Variants in RIF1 observed in about 807,000 individuals in gnomAD.
The protein encoded by RIF1 is replication timing regulatory factor 1.
In RIF1, 45 loss-of-function variants were observed where a neutral mutation model predicts 247.1. That is an observed-to-expected ratio of 0.18 (90% CI 0.14 to 0.23). RIF1 has a LOEUF of 0.23. Ranked by LOEUF, RIF1 falls within the 10% of genes least tolerant of loss-of-function variation. The pLI, the probability that RIF1 is intolerant of heterozygous loss-of-function variation, is 1.00. For synonymous variants in RIF1, 1,087 were observed against 978.8 expected, an observed-to-expected ratio of 1.11 and a Z score of -2.06; for missense variants, 2,967 against 2,862.5, an observed-to-expected ratio of 1.04 and a Z score of -0.83.
Position 151,464,588 on chromosome 2 carries a change from G to A in RIF1, c.5068G>A (p.Asp1690Asn). 6.2e-7 allele frequency: 1 copy of A among 1,613,542 alleles called. No individual in the cohort carries two copies. Among genetic ancestry groups the A allele is most frequent in the Non-Finnish European group, 8.5e-7 (1 of 1,179,668 alleles). ...GAGATTACATAAGCGAGACTCTTTT[G>A]ATAATTGTAGTTTGGGAGAATCCTC... is the stretch of plus-strand genomic sequence containing the variant. Reference protein sequence around the residue: ...IKRLHKRDSFDNCSLGESSKI... With the variant: ...IKRLHKRDSFNNCSLGESSKI... The change falls in exon 30 of 36, where the codon GAT (aspartate) becomes AAT (asparagine). Residue 1690 changes from aspartate (D) to asparagine (N), a missense_variant. By Grantham distance (23) the Asp-to-Asn change is conservative (BLOSUM62 1). Transcript: ENST00000444746.
intron 20 of RIF1, among the ~76,000 whole-genome samples, chr2:151,449,222 C>T (rs1693840660): frequency 1.3e-5 from 2 of 152,082 alleles, no homozygotes; most frequent in South Asian, 4.1e-4. Context: ...TTTTGGGATA[C>T]ACTTCTTGGT....
intron 6 of RIF1, among the ~76,000 whole-genome samples, 165 bp downstream of exon 6, chr2:151,417,066 A>G (rs986625518): frequency 3.9e-5 from 6 of 152,180 alleles, no homozygotes; most frequent in Admixed American, 2.6e-4. Flanking sequence ...GGAAGTAGAT[A>G]TGTGTGGGTT....
At chr2:151,433,054 C>G (rs775303153) in intron 9 of RIF1, 23 bp from the exon 10 acceptor site, 7 of 1,593,308 alleles carry the variant, frequency 4.4e-6, no homozygotes, top group South Asian at 2.2e-5. Flanking sequence ...GTCTCTTTAA[C>G]TGTGTGCTTA....
Position 151,441,894 on chromosome 2 carries a change from A to C in RIF1, c.1648-11A>C, listed in dbSNP as rs373618972. On this transcript the variant is annotated splice_polypyrimidine_tract_variant and intron_variant, in intron 15 of 35. Coordinates refer to ENST00000444746, the MANE Select transcript of RIF1 (RefSeq NM_018151.5). ...CGGCTAATTTACTGTAAAACCTTTT[A>C]TCTCTCATAGGTCCTCATGGAAATT... is the stretch of plus-strand genomic sequence containing the variant. 3.9e-5 allele frequency: 50 copies of C among 1,271,646 alleles called. No individual in the cohort carries two copies. Among genetic ancestry groups the C allele is most frequent in the Non-Finnish European group, 5.1e-5 (45 of 889,466 alleles). The allele number at this position is 1,271,646 out of a possible 1,614,324, so 78.8% of individuals were successfully genotyped here.
Position 151,461,219 on chromosome 2 carries a change from C to A in RIF1, c.3157C>A (p.Pro1053Thr). ...AAAGTCTACTGACTTTGTGTTTATA[C>A]CTCCAGAAGGAAAAGATGCAAAGGA... Reference protein sequence around the residue: ...EEKSTDFVFIPPEGKDAKERI... With the variant: ...EEKSTDFVFITPEGKDAKERI... Residue 1053 changes from proline to threonine, a missense_variant, in exon 27 of 36, where the codon CCT (proline) becomes ACT (threonine). Physicochemically the swap from Pro to Thr is conservative, Grantham distance 38 (BLOSUM62 -1). Coordinates refer to ENST00000444746, the MANE Select transcript of RIF1 (RefSeq NM_018151.5). 1 of 1,613,034 alleles carries A rather than the reference C, an allele frequency of 6.2e-7. No individual in the cohort carries two copies. Among genetic ancestry groups the A allele is most frequent in the Non-Finnish European group, 8.5e-7 (1 of 1,179,322 alleles).
In RIF1 at chr2:151,490,038, C is replaced by T. The variant is rs751128054; in HGVS notation, c.*416-5191C>T. The T allele has an allele frequency of 8.7e-6, 14 of 1,613,084 alleles. No individual in the cohort carries two copies. Among genetic ancestry groups the T allele is most frequent in the East Asian group, 2.2e-5 (1 of 44,840 alleles). ...CTGTTGGGTAGCAACTGAAGATGAT[C>T]GTTGTTGTGGGAGCTCTGTGGTTTT... On this transcript the variant is annotated intron_variant and NMD_transcript_variant, in intron 9 of 13. Transcript: ENST00000454583.
At chr2:151,449,842 GC>G (rs757209003) in intron 20 of RIF1, among the ~76,000 whole-genome samples, 4,385 of 119,718 alleles carry the variant, frequency 0.037, 110 homozygotes, top group East Asian at 0.17. Flanking sequence ...CTACTTTGAT[GC>G]CTTTTTTTTT....
In RIF1 at chr2:151,463,103, T is replaced by C; in HGVS notation, c.3583T>C (p.Phe1195Leu). The change falls in exon 30 of 36, where the codon TTC (phenylalanine) becomes CTC (leucine). Residue 1195 changes from phenylalanine to leucine, a missense_variant. By Grantham distance (22) the Phe-to-Leu change is conservative. This residue lies in a region of RIF1 where 2,028 missense variants were observed against 1,825.6 expected (regional missense o/e 1.11). Coordinates refer to ENST00000444746, the MANE Select transcript of RIF1 (RefSeq NM_018151.5). ...TECASSTENS[F>L]VVSSSSVSNT... ...ATGTGCATCTAGTACAGAAAATTCTTTCGTTGTCAGCAGTAGTTCAGTTTC... is the reference window on the plus strand; with the variant it reads ...ATGTGCATCTAGTACAGAAAATTCTCTCGTTGTCAGCAGTAGTTCAGTTTC... The C allele has an allele frequency of 6.2e-7, 1 of 1,614,038 alleles. No homozygotes were observed. Among genetic ancestry groups the C allele is most frequent in the South Asian group, 1.1e-5 (1 of 91,064 alleles).
chr2:151,493,522 T>C lies in RIF1; in HGVS notation c.*416-1707T>C, dbSNP rs2058135139. The stretch of plus-strand genomic sequence containing the variant: ...GAAAATCATCACTTAGCTGGTGTTA[T>C]GGCTCATGTTATGGCTCAGTTATAT... On this transcript the variant is annotated intron_variant and NMD_transcript_variant, in intron 9 of 13. Transcript: ENST00000454583. The C allele has an allele frequency of 3.2e-5, 30 of 942,758 alleles. 1 individual carries two copies. In the South Asian group the frequency reaches 4.2e-4, roughly 13 times the overall value. 58.4% of individuals were successfully genotyped at this position (942,758 alleles called of 1,614,324 possible). A position where few individuals can be genotyped will look rare whatever the true frequency, so the allele number is the denominator to read the frequency against.
chr2:151,448,167 C>T (rs1693646873), intron 20 of RIF1, among the ~76,000 whole-genome samples: 1 of 151,850 alleles, frequency 6.6e-6, no homozygotes, highest in Non-Finnish European at 1.5e-5. Flanking sequence ...GATTCTCCTC[C>T]CTAGTAGCTG....
Position 151,463,309 on chromosome 2 carries a change from AAAAGC to A in RIF1, c.3799_3803del (p.Gln1267ArgfsTer8), listed in dbSNP as rs1696467430. On this transcript the variant is annotated frameshift_variant, in exon 30 of 36. Transcript: ENST00000444746. LOFTEE classifies it high-confidence loss of function. ...CCATGATTAAAACAGATTTTCTACC[AAAAGC>A]AAAGCAAAGAGAAGGGACTTTTTCA... The A allele has an allele frequency of 1.2e-6, 2 of 1,613,062 alleles. No individual in the cohort carries two copies. The highest frequency in any genetic ancestry group is 1.3e-5 in the African/African-American group (1 of 74,812).
intron 10 of RIF1, among the ~76,000 whole-genome samples, chr2:151,433,900 G>C (rs1056311578): frequency 6.6e-6 from 1 of 152,004 alleles, no homozygotes; most frequent in Non-Finnish European, 1.5e-5. Flanking sequence ...AGCCGGGCGC[G>C]GTGACTCATG....
Position 151,420,396 on chromosome 2 carries a change from G to T in RIF1, c.693+17G>T. 6 of 1,611,750 alleles carry T rather than the reference G, an allele frequency of 3.7e-6. No homozygotes were observed. The highest frequency in any genetic ancestry group is 5.1e-6 in the Non-Finnish European group (6 of 1,178,170). On this transcript the variant is annotated intron_variant, in intron 7 of 35. Transcript: ENST00000444746. ...ATGACTACTGTGAGTGTTCTTTTAT[G>T]TAAGAATTTTCTGGATACTGCATCG...
intron 11 of RIF1, chr2:151,501,343 G>GA: frequency 2.4e-6 from 3 of 1,264,064 alleles, no homozygotes; most frequent in Middle Eastern, 1.9e-4. Flanking sequence ...CTGTTTTGTA[G>GA]AAATTATTAT....
downstream of RIF1, chr2:151,486,215 AAGAT>A (rs1192026873): frequency 5.1e-5 from 16 of 314,478 alleles, no homozygotes; most frequent in Non-Finnish European, 5.3e-5. Context: ...TTCTCCAAAA[AAGAT>A]AGACAAATAG....
At chr2:151,510,219 C>G (rs1044429853), downstream of RIF1, among the ~76,000 whole-genome samples, 1 of 152,120 alleles carries the variant, frequency 6.6e-6, no homozygotes, top group African/African-American at 2.4e-5. Context: ...CCCCAATAAA[C>G]TTGTTTGTGG....
intron 8 of RIF1, among the ~76,000 whole-genome samples, chr2:151,424,688 C>G (rs1316606437): frequency 6.6e-6 from 1 of 151,666 alleles, no homozygotes; most frequent in Non-Finnish European, 1.5e-5. Flanking sequence ...TTTTTTGAGA[C>G]AAGGTCTGGC....
Position 151,469,863 on chromosome 2 carries a change from A to G in RIF1, c.7094A>G (p.Gln2365Arg). 6.3e-7 allele frequency: 1 copy of G among 1,594,250 alleles called. No individual in the cohort carries two copies. The highest frequency in any genetic ancestry group is 8.5e-7 in the Non-Finnish European group (1 of 1,172,456). Residue 2365 changes from glutamine (Q) to arginine (R), a missense_variant and splice_region_variant, in exon 34 of 36, where the codon CAG (glutamine) becomes CGG (arginine). By Grantham distance (43) the Gln-to-Arg change is conservative. Around this residue, in one of 7 missense-constraint regions of RIF1, gnomAD observed 151 missense variants for 163.4 expected, o/e 0.92. Transcript: ENST00000444746. ...KKALRIYHEQ[Q>R]VKTRGLEEIP... ...GCTCTCAGAATATATCATGAGCAGC[A>G]GGTAAAAACTTAGATATTAGCTATG...
Position 151,463,067 on chromosome 2 carries a change from A to G in RIF1, c.3547A>G (p.Thr1183Ala), listed in dbSNP as rs750219227. The G allele has an allele frequency of 1.2e-6, 2 of 1,613,812 alleles. No individual in the cohort carries two copies. The highest frequency in any genetic ancestry group is 2.7e-5 in the African/African-American group (2 of 74,916). ...RKKALISSRK[T>A]STECASSTEN... Reference sequence around the variant, plus strand: ...AAAAGCTTTAATTTCATCAAGGAAAACATCAACTGAATGTGCATCTAGTAC... The same window carrying G: ...AAAAGCTTTAATTTCATCAAGGAAAGCATCAACTGAATGTGCATCTAGTAC... Residue 1183 changes from threonine to alanine, a missense_variant, in exon 30 of 36, where the codon ACA (threonine) becomes GCA (alanine). Thr to Ala is a moderately conservative substitution (Grantham distance 58, BLOSUM62 0). Around this residue, in one of 7 missense-constraint regions of RIF1, gnomAD observed 2,028 missense variants for 1,825.6 expected, o/e 1.11. Coordinates refer to ENST00000444746, the MANE Select transcript of RIF1 (RefSeq NM_018151.5).
Sources: gnomAD v4.1 joint callset for allele counts (sites outside exome capture counted in the v4.1 genomes callset) on GRCh38, gnomAD v4.1.1 for gene constraint, gnomAD v4.1.1 regional missense constraint, MANE v1.5 for transcripts, NCBI Gene and HGNC (gene_info 2026-07-23, HGNC 2026-07-21) for gene names.